The following KMT5B variants were observed in gnomAD, a reference collection of about 807,000 sequenced individuals.
KMT5B encodes histone-lysine N-methyltransferase KMT5B.
Under a neutral mutation model 83.2 loss-of-function variants are expected in KMT5B, and 10 were observed. The ratio of observed to expected loss-of-function variants is 0.12; its 90% CI spans 0.07 to 0.20. The LOEUF (loss-of-function observed/expected upper bound fraction) is 0.20. KMT5B is among the 10% of genes least tolerant of loss of function. KMT5B has a pLI of 1.00. For missense variants in KMT5B, 753 were observed against 1,067.2 expected, an observed-to-expected ratio of 0.71 and a Z score of 4.10; for synonymous variants, 349 against 388.8, an observed-to-expected ratio of 0.90 and a Z score of 1.20.
Position 68,158,384 on chromosome 11 carries a change from C to T in KMT5B, c.1962G>A (p.Glu654=). The T allele has an allele frequency of 2.5e-6, 4 of 1,614,152 alleles. No homozygotes were observed. The highest frequency in any genetic ancestry group is 3.4e-6 in the Non-Finnish European group (4 of 1,179,990). The change falls in exon 11 of 11, where the codon GAG becomes GAA. Residue 654 remains glutamate, a synonymous_variant. Coordinates refer to ENST00000304363, the MANE Select transcript of KMT5B (RefSeq NM_017635.5). ...CAGGCACGCCCACAGTGCCACTGTGCTCACCCTGGTCAGAATGGGGACCCA... is the reference window on the plus strand; with the variant it reads ...CAGGCACGCCCACAGTGCCACTGTGTTCACCCTGGTCAGAATGGGGACCCA... ...DLMGPHSDQG[E]HSGTVGVPVS... is the part of the protein sequence containing the mutation.
Position 68,175,014 on chromosome 11 carries a change from T to A in KMT5B, c.543+4A>T. 2.5e-6 allele frequency: 4 copies of A among 1,612,804 alleles called. No individual in the cohort carries two copies. The highest frequency in any genetic ancestry group is 3.4e-6 in the Non-Finnish European group (4 of 1,179,016). ...GTTAACAGCATCAGTCTTAATAAAC[T>A]TACATGTTCTTTGAATAATTTCTCC... is the stretch of plus-strand genomic sequence containing the variant. On this transcript the variant is annotated splice_donor_region_variant and intron_variant, in intron 5 of 10. Transcript: ENST00000304363.
rs777813543 is a variant in KMT5B, at chr11:68,158,666, C to T, written c.1680G>A (p.Thr560=). Residue 560 remains threonine, a synonymous_variant, in exon 11 of 11, where the codon ACG becomes ACA. Transcript: ENST00000304363. ...EASDIKLEPN[T]LNGYKSSVTE... ...TCACACTGCTTTTATAGCCATTCAA[C>T]GTATTTGGTTCAAGCTTGATGTCAG... 5.9e-5 allele frequency: 95 copies of T among 1,613,982 alleles called. No individual in the cohort carries two copies. Among genetic ancestry groups the T allele is most frequent in the Non-Finnish European group, 7.5e-5 (88 of 1,180,036 alleles).
chr11:68,158,323 A>C lies in KMT5B; in HGVS notation c.2023T>G (p.Cys675Gly), dbSNP rs377660477. Residue 675 changes from cysteine to glycine, a missense_variant, in exon 11 of 11, where the codon TGT (cysteine) becomes GGT (glycine). Coordinates refer to ENST00000304363, the MANE Select transcript of KMT5B (RefSeq NM_017635.5). ...AAGCTATCTGATGTCACAACTGAAC[A>C]ACCGACGGGTGAAGGAGCACAGTCT... Reference protein sequence around the residue: ...YTDCAPSPVGCSVVTSDSFKT... With the variant: ...YTDCAPSPVGGSVVTSDSFKT... 50 of 1,614,094 alleles carry C rather than the reference A, an allele frequency of 3.1e-5. No homozygotes were observed. The highest frequency in any genetic ancestry group is 2.7e-4 in the East Asian group (12 of 44,896).
At position 68,158,616 on chromosome 11, in the gene KMT5B, T is replaced by C. The variant is rs1427606526; in HGVS notation, c.1730A>G (p.Glu577Gly). The C allele has an allele frequency of 1.2e-6, 2 of 1,614,102 alleles. No individual in the cohort carries two copies. The highest frequency in any genetic ancestry group is 1.3e-5 in the African/African-American group (1 of 74,930). ...SVTEPCPDSG[E>G]QLQPAPVLQE... Reference sequence around the variant, plus strand: ...CAGCACAGGAGCTGGCTGCAGCTGTTCACCACTGTCGGGGCAAGGTTCCGT... The same window carrying C: ...CAGCACAGGAGCTGGCTGCAGCTGTCCACCACTGTCGGGGCAAGGTTCCGT... Residue 577 changes from glutamate (E) to glycine (G), a missense_variant, in exon 11 of 11, where the codon GAA becomes GGA. This residue lies in a region of KMT5B where 397 missense variants were observed against 395.9 expected (regional missense o/e 1.00). Coordinates refer to ENST00000304363, the MANE Select transcript of KMT5B (RefSeq NM_017635.5).
At chr11:68,179,023 G>C (rs376371428) in intron 4 of KMT5B, among the ~76,000 whole-genome samples, 48 of 152,288 alleles carry the variant, frequency 3.2e-4, no homozygotes, top group East Asian at 3.1e-3. Context: ...TGGAAGACCT[G>C]GGATTTACCC....
chr11:68,178,499 C>G (rs985604306), intron 4 of KMT5B, among the ~76,000 whole-genome samples: 3 of 152,216 alleles, frequency 2.0e-5, no homozygotes, highest in African/African-American at 7.2e-5. Flanking sequence ...CTATCCCTTG[C>G]TACCAATAGC....
At chr11:68,199,091 G>T (rs906553612) in intron 1 of KMT5B, among the ~76,000 whole-genome samples, 8 of 148,440 alleles carry the variant, frequency 5.4e-5, no homozygotes, top group African/African-American at 2.0e-4. Flanking sequence ...TAATTGCGTT[G>T]TTTTTTTTTT....
chr11:68,169,131 C>T (rs996115991), intron 9 of KMT5B, among the ~76,000 whole-genome samples: 5 of 152,216 alleles, frequency 3.3e-5, no homozygotes, highest in Admixed American at 1.3e-4. Flanking sequence ...AAAGGACTTA[C>T]ACACGTTTCT....
At chr11:68,204,132 C>G (rs928286789) in intron 1 of KMT5B, among the ~76,000 whole-genome samples, 5 of 152,048 alleles carry the variant, frequency 3.3e-5, no homozygotes, top group African/African-American at 1.2e-4. Context: ...GAATGCTTCA[C>G]CCACTGCCCT....
chr11:68,196,863 T>G (rs1333191092), intron 1 of KMT5B, among the ~76,000 whole-genome samples: 2 of 152,236 alleles, frequency 1.3e-5, no homozygotes, highest in African/African-American at 4.8e-5. Context: ...AACAATGTAC[T>G]TTTAGGCTTC....
At chr11:68,193,495 T>G (rs1432785203) in intron 1 of KMT5B, among the ~76,000 whole-genome samples, 2 of 151,848 alleles carry the variant, frequency 1.3e-5, no homozygotes, top group Non-Finnish European at 1.5e-5. Flanking sequence ...GTGAGCAGTA[T>G]GCTTAGGGGA....
chr11:68,170,909 A>G (rs1855782887), intron 9 of KMT5B, 106 bp downstream of exon 9: 1 of 1,238,522 alleles, frequency 8.1e-7, no homozygotes, highest in African/African-American at 1.5e-5. Flanking sequence ...AAGAACATAA[A>G]GACTATCTCT....
At chr11:68,179,859 C>G (rs972200253) in intron 4 of KMT5B, 6 of 411,508 alleles carry the variant, frequency 1.5e-5, no homozygotes, top group Non-Finnish European at 2.6e-5. Context: ...CAAAAACATA[C>G]CTGGCTGAGT....
intron 1 of KMT5B, among the ~76,000 whole-genome samples, chr11:68,202,182 T>C (rs1859521712): frequency 6.6e-6 from 1 of 152,150 alleles, no homozygotes; most frequent in Admixed American, 6.5e-5. Context: ...AAGAAAACAA[T>C]CCAGTACACC....
intron 10 of KMT5B, among the ~76,000 whole-genome samples, chr11:68,160,138 A>G (rs2153041832): frequency 6.6e-6 from 1 of 152,390 alleles, no homozygotes; most frequent in African/African-American, 2.4e-5. Context: ...CTTTTGCTAC[A>G]GAATTTCTTT....
intron 9 of KMT5B, among the ~76,000 whole-genome samples, chr11:68,169,089 G>A (rs1004908035): frequency 6.6e-6 from 1 of 152,194 alleles, no homozygotes; most frequent in African/African-American, 2.4e-5. Context: ...AATAGCCATG[G>A]CCACTATTCT....
At chr11:68,166,309 G>A (rs1052248007) in intron 10 of KMT5B, 9 of 1,069,692 alleles carry the variant, frequency 8.4e-6, no homozygotes, top group Non-Finnish European at 1.0e-5. Context: ...TTTAGTCTTC[G>A]TTCTCTTTTT....
At chr11:68,201,838 G>T (rs1381571917) in intron 1 of KMT5B, among the ~76,000 whole-genome samples, 1 of 151,822 alleles carries the variant, frequency 6.6e-6, no homozygotes, top group Non-Finnish European at 1.5e-5. Context: ...CCAACACTTA[G>T]GGAGGCCGAA....
chr11:68,172,024 G>A (rs1855884118), intron 6 of KMT5B, among the ~76,000 whole-genome samples: 1 of 152,010 alleles, frequency 6.6e-6, no homozygotes, highest in Non-Finnish European at 1.5e-5. Flanking sequence ...TCAAATACTT[G>A]CGGCAATGAA....
Sources: allele counts gnomAD v4.1 joint callset (sites outside exome capture counted in the v4.1 genomes callset), GRCh38; gene constraint gnomAD v4.1.1; regional missense constraint gnomAD v4.1.1; transcripts MANE v1.5; gene names NCBI Gene and HGNC (gene_info 2026-07-23, HGNC 2026-07-21).